Variants in SBF1 observed in about 807,000 individuals in gnomAD.
SBF1 encodes SET binding factor 1.
Under a neutral mutation model 215.8 loss-of-function variants are expected in SBF1, and 65 were observed. The observed-to-expected ratio is 0.30, with a 90% confidence interval of 0.25 to 0.37. SBF1 has a LOEUF of 0.37. Among genes scored for constraint, SBF1 ranks in the 10% least tolerant of loss-of-function variants. SBF1 has a pLI of 1.00. For synonymous variants in SBF1, 1,410 were observed against 1,122.8 expected, an observed-to-expected ratio of 1.26 and a Z score of -5.11; for missense variants, 2,634 against 2,667.8, an observed-to-expected ratio of 0.99 and a Z score of 0.28.
At chr22:50,453,755 C>A (rs2067138790) in intron 36 of SBF1, among the ~76,000 whole-genome samples, 1 of 152,120 alleles carries the variant, frequency 6.6e-6, no homozygotes, top group African/African-American at 2.4e-5. Flanking sequence ...CCACTACACT[C>A]CAGCCTGGGC....
chr22:50,454,883 C>T lies in SBF1; in HGVS notation c.4743G>A (p.Glu1581=). The change falls in exon 35 of 41, where the codon GAG becomes GAA. Residue 1581 remains glutamate (E), a synonymous_variant. Transcript: ENST00000380817. ...RGQVPCRSVW[E]YVDRLSKRTP... is the part of the protein sequence containing the mutation. ...TCCTCTTGCTCAGCCGGTCCACATA[C>T]TCCCACACAGACCTGCACGGCACCT... 2 of 1,614,130 alleles carry T rather than the reference C, an allele frequency of 1.2e-6. No homozygotes were observed. The highest frequency in any genetic ancestry group is 1.7e-6 in the Non-Finnish European group (2 of 1,180,012).
In SBF1 at chr22:50,474,793, G is replaced by A; in HGVS notation, c.48C>T (p.His16=). 3 of 1,460,930 alleles carry A rather than the reference G, an allele frequency of 2.1e-6. No homozygotes were observed. Among genetic ancestry groups the A allele is most frequent in the South Asian group, 1.3e-5 (1 of 78,254 alleles). The allele number at this position is 1,460,930 out of a possible 1,614,324, so 90.5% of individuals were successfully genotyped here. A position where few individuals can be genotyped will look rare whatever the true frequency, so the allele number is the denominator to read the frequency against. ...DYFVLVAFGP[H]PRGSGEGQGQ... is the part of the protein sequence containing the mutation. Reference sequence around the variant, plus strand: ...CTTGGCCTCGGCACTCACCGCGCGGGTGCGGCCCGAACGCCACCAGCACGA... The same window carrying A: ...CTTGGCCTCGGCACTCACCGCGCGGATGCGGCCCGAACGCCACCAGCACGA... Residue 16 remains histidine, a synonymous_variant, in exon 1 of 41, where the codon CAC becomes CAT. Coordinates refer to ENST00000380817, the MANE Select transcript of SBF1 (RefSeq NM_002972.4).
rs778540288 is a variant in SBF1, at chr22:50,460,136, T to C, written c.3307A>G (p.Thr1103Ala). ...TTCAGGGCTGAGGACGGGGTCAGCG[T>C]GCTGGGCTCCAGCTCCTCCGACACT... Reference protein sequence around the residue: ...ISVSEELEPSTLTPSSALKPS... With the variant: ...ISVSEELEPSALTPSSALKPS... Residue 1103 changes from threonine (T) to alanine (A), a missense_variant, in exon 26 of 41, where the codon ACG becomes GCG. By Grantham distance (58) the Thr-to-Ala change is moderately conservative (BLOSUM62 0). Transcript: ENST00000380817. 6.2e-7 allele frequency: 1 copy of C among 1,612,332 alleles called. No individual in the cohort carries two copies. Among genetic ancestry groups the C allele is most frequent in the Non-Finnish European group, 8.5e-7 (1 of 1,179,968 alleles).
chr22:50,463,959 G>A (rs897297429), intron 15 of SBF1, among the ~76,000 whole-genome samples: 2 of 152,184 alleles, frequency 1.3e-5, no homozygotes, highest in African/African-American at 2.4e-5. Context: ...TCCATAAGAT[G>A]CAAGGAACAG....
chr22:50,454,966 C>T (rs1204594377), intron 34 of SBF1, 22 bp from the exon 35 acceptor site: 1 of 1,613,956 alleles, frequency 6.2e-7, no homozygotes, highest in Non-Finnish European at 8.5e-7. Flanking sequence ...CAGCACTGAG[C>T]CTGGGCCCCT....
At chr22:50,468,929 C>T (rs752076869) in intron 1 of SBF1, among the ~76,000 whole-genome samples, 2 of 152,102 alleles carry the variant, frequency 1.3e-5, no homozygotes, top group Non-Finnish European at 2.9e-5. Flanking sequence ...GTGTGGGGTT[C>T]AAGAAGCCTC....
At chr22:50,455,627 CCCGCCTGG>C (rs1428339138) in intron 31 of SBF1, 45 bp from the exon 32 acceptor site, 1 of 1,498,428 alleles carries the variant, frequency 6.7e-7, no homozygotes, top group Admixed American at 2.0e-5. Context: ...CCACCGCCCT[CCCGCCTGG>C]CCACTCACCA....
chr22:50,456,512 C>T lies in SBF1; in HGVS notation c.4066G>A (p.Gly1356Arg). The change falls in exon 30 of 41, where the codon GGG (glycine) becomes AGG (arginine). Residue 1356 changes from glycine (G) to arginine (R), a missense_variant. By Grantham distance (125) the Gly-to-Arg change is moderately radical. Coordinates refer to ENST00000380817, the MANE Select transcript of SBF1 (RefSeq NM_002972.4). ...GTCACCTTGAGCTGGGCTTTGTCCC[C>T]AAGGATATAGAGGGCTGCTCGCTGC... ...RPQRAALYILGDKAQLKGVRS... is the reference protein window; with the variant it reads ...RPQRAALYILRDKAQLKGVRS... 13 of 1,579,032 alleles carry T rather than the reference C, an allele frequency of 8.2e-6. No homozygotes were observed. Among genetic ancestry groups the T allele is most frequent in the Non-Finnish European group, 1.1e-5 (13 of 1,163,584 alleles).
rs563020470 is a variant in SBF1 at position 50,466,739 on chromosome 22, T to C, written c.550-29A>G. The stretch of plus-strand genomic sequence containing the variant: ...CAGCAAAAAAAGGATCGGGGCTCAG[T>C]AGTTTGGCCAGAGCCAGCCCAGAGT... On this transcript the variant is annotated intron_variant, in intron 5 of 40. Transcript: ENST00000380817. 6.2e-6 allele frequency: 9 copies of C among 1,462,546 alleles called. No individual in the cohort carries two copies. In the South Asian group the frequency reaches 6.6e-5, roughly 11 times the overall value. 90.6% of individuals were successfully genotyped at this position (1,462,546 alleles called of 1,614,324 possible).
At chr22:50,468,494 A>T in intron 1 of SBF1, 33 bp from the exon 2 acceptor site, 2 of 1,204,810 alleles carry the variant, frequency 1.7e-6, no homozygotes, top group East Asian at 1.1e-4. Flanking sequence ...AGAGCACCCA[A>T]CCCGCCCCCC....
In SBF1 at chr22:50,459,999, C is replaced by T; in HGVS notation, c.3444G>A (p.Glu1148=). Residue 1148 remains glutamate (E), a synonymous_variant, in exon 26 of 41, where the codon GAG becomes GAA. Transcript: ENST00000380817. ...LSSSLSRAKS[E]PFRISPVNRM... ...GGTTGACCGGAGAAATGCGGAAGGG[C>T]TCAGACTTGGCCCGGCTCAGGCTGC... is the stretch of plus-strand genomic sequence containing the variant. The T allele has an allele frequency of 1.2e-6, 2 of 1,613,976 alleles. No homozygotes were observed. The highest frequency in any genetic ancestry group is 1.7e-6 in the Non-Finnish European group (2 of 1,179,974).
At position 50,462,485 on chromosome 22, in the gene SBF1, C is replaced by A; in HGVS notation, c.2128-12G>T. The A allele has an allele frequency of 6.2e-7, 1 of 1,613,040 alleles. No homozygotes were observed. Among genetic ancestry groups the A allele is most frequent in the Non-Finnish European group, 8.5e-7 (1 of 1,179,762 alleles). On this transcript the variant is annotated splice_polypyrimidine_tract_variant and intron_variant, in intron 18 of 40. Transcript: ENST00000380817. Reference sequence around the variant, plus strand: ...GCCTCCCCAACCTCCTGCCACGGCACCACACGCATGAGCCGGGGCCACGCT... The same window carrying A: ...GCCTCCCCAACCTCCTGCCACGGCAACACACGCATGAGCCGGGGCCACGCT...
At position 50,446,733 on chromosome 22, in the gene SBF1, TA is replaced by T; in HGVS notation, c.*408del. ...CAACCTCCCGCCAGGTGGGCCTGGA[TA>T]GGGGCAGATGGGACCCTCTGGGTAG... is the stretch of plus-strand genomic sequence containing the variant. On this transcript the variant is annotated 3_prime_UTR_variant, in exon 41 of 41. Coordinates refer to ENST00000380817, the MANE Select transcript of SBF1 (RefSeq NM_002972.4). 1 of 462,550 alleles carries T rather than the reference TA, an allele frequency of 2.2e-6. No individual in the cohort carries two copies. The highest frequency in any genetic ancestry group is 4.3e-6 in the Non-Finnish European group (1 of 233,834). The allele number at this position is 462,550 out of a possible 1,614,324, so 28.7% of individuals were successfully genotyped here.
rs931804927 is a variant in SBF1, at chr22:50,466,700, G to A, written c.560C>T (p.Ser187Phe). 8 of 1,537,038 alleles carry A rather than the reference G, an allele frequency of 5.2e-6. No homozygotes were observed. Among genetic ancestry groups the A allele is most frequent in the Admixed American group, 4.0e-5 (2 of 49,384 alleles). ...GACCTGCCGGTCACCAGCCCCCAAA[G>A]AGATCGTCCTCTGCAGCAAAAAAAG... is the stretch of plus-strand genomic sequence containing the variant. ...PLAGGSQRTI[S>F]LGAGDRQVIQ... The change falls in exon 6 of 41, where the codon TCT (serine) becomes TTT (phenylalanine). Residue 187 changes from serine to phenylalanine, a missense_variant. Transcript: ENST00000380817.
At position 50,448,209 on chromosome 22, in the gene SBF1, T is replaced by G. The variant is rs756024986; in HGVS notation, c.5363+24A>C. 4.4e-6 allele frequency: 7 copies of G among 1,604,632 alleles called. No homozygotes were observed. In the African/African-American group the frequency reaches 6.7e-5, roughly 15 times the overall value. ...GAACACCAGCTCAGAGGTGTCCATG[T>G]GGCAGTGGGAGGTGCCCTCATACCT... On this transcript the variant is annotated intron_variant, in intron 38 of 40. Coordinates refer to ENST00000380817, the MANE Select transcript of SBF1 (RefSeq NM_002972.4).
chr22:50,467,350 A>G lies in SBF1; in HGVS notation c.537T>C (p.Ala179=). 1 of 1,613,914 alleles carries G rather than the reference A, an allele frequency of 6.2e-7. No homozygotes were observed. The highest frequency in any genetic ancestry group is 8.5e-7 in the Non-Finnish European group (1 of 1,179,826). The part of the protein sequence containing the change: ...GNLLTCTVPL[A]GGSQRTISLG... Reference sequence around the variant, plus strand: ...CTCCAAAACTCACCTGCGAGCCCCCAGCCAGGGGCACAGTGCACGTCAGCA... The same window carrying G: ...CTCCAAAACTCACCTGCGAGCCCCCGGCCAGGGGCACAGTGCACGTCAGCA... The change falls in exon 5 of 41, where the codon GCT becomes GCC. Residue 179 remains alanine (A), a synonymous_variant. Coordinates refer to ENST00000380817, the MANE Select transcript of SBF1 (RefSeq NM_002972.4).
chr22:50,452,311 G>A (rs1339603904), intron 36 of SBF1, among the ~76,000 whole-genome samples: 1 of 152,168 alleles, frequency 6.6e-6, no homozygotes. Flanking sequence ...TCAGGCTGAA[G>A]AGAAATAATA....
intron 12 of SBF1, 36 bp from the exon 13 acceptor site, chr22:50,464,953 T>C: frequency 6.2e-7 from 1 of 1,613,648 alleles, no homozygotes; most frequent in Non-Finnish European, 8.5e-7. Context: ...TAAGCCATGG[T>C]CAGGCGGAGC....
chr22:50,454,847 G>C lies in SBF1; in HGVS notation c.4779C>G (p.Phe1593Leu), dbSNP rs1213487805. The C allele has an allele frequency of 6.2e-7, 1 of 1,614,038 alleles. No individual in the cohort carries two copies. The highest frequency in any genetic ancestry group is 8.5e-7 in the Non-Finnish European group (1 of 1,179,996). Residue 1593 changes from phenylalanine (F) to leucine (L), a missense_variant, in exon 35 of 41, where the codon TTC (phenylalanine) becomes TTG (leucine). Coordinates refer to ENST00000380817, the MANE Select transcript of SBF1 (RefSeq NM_002972.4). Reference sequence around the variant, plus strand: ...CCTCGGGCGCATACATGTAATTGTGGAACACAGGCGTCCTCTTGCTCAGCC... The same window carrying C: ...CCTCGGGCGCATACATGTAATTGTGCAACACAGGCGTCCTCTTGCTCAGCC... ...VDRLSKRTPV[F>L]HNYMYAPEDA...
Sources: allele counts gnomAD v4.1 joint callset (sites outside exome capture counted in the v4.1 genomes callset), GRCh38; gene constraint gnomAD v4.1.1; transcripts MANE v1.5; gene names NCBI Gene and HGNC (gene_info 2026-07-23, HGNC 2026-07-21).